Variants in STARD8 observed in about 807,000 individuals in gnomAD.
STARD8 encodes the protein stAR-related lipid transfer protein 8.
Under a neutral mutation model 69.4 loss-of-function variants are expected in STARD8, and 25 were observed. That is an observed-to-expected ratio of 0.36 (90% CI 0.26 to 0.50). The LOEUF (loss-of-function observed/expected upper bound fraction) is 0.50. Ranked by LOEUF, STARD8 falls within the 20% of genes least tolerant of loss-of-function variation. The pLI, the probability that STARD8 is intolerant of heterozygous loss-of-function variation, is 0.96. For missense variants in STARD8, 921 were observed against 932.5 expected (o/e 0.99, Z 0.16); for synonymous variants, 389 against 374.6 (o/e 1.04, Z -0.45).
At chrX:68,675,678 A>G (rs2079760814) in intron 2 of STARD8, among the ~76,000 whole-genome samples, 1 of 110,904 alleles carries the variant, frequency 9.0e-6, no homozygotes. Context: ...GAGAGGGCAG[A>G]TGTTGAATCC....
At chrX:68,651,345 G>A (rs1450032566) in intron 1 of STARD8, among the ~76,000 whole-genome samples, 2 of 110,946 alleles carry the variant, frequency 1.8e-5, no homozygotes, top group Non-Finnish European at 3.8e-5. Context: ...GGATCTCAGG[G>A]CTAAGAGGCA....
intron 2 of STARD8, among the ~76,000 whole-genome samples, chrX:68,686,966 C>T (rs2079837771): frequency 9.0e-6 from 1 of 111,591 alleles, no homozygotes; most frequent in Non-Finnish European, 1.9e-5. Context: ...GCACCTTCTT[C>T]GTCTCTGCCT....
intron 1 of STARD8, among the ~76,000 whole-genome samples, chrX:68,652,933 AC>A (rs2079563841): frequency 4.9e-5 from 2 of 41,037 alleles, no homozygotes; most frequent in African/African-American, 9.7e-5. Context: ...CATCACACAC[AC>A]CACACACACA....
At chrX:68,690,431 C>CG (rs756097076) in intron 2 of STARD8, among the ~76,000 whole-genome samples, 1,926 of 99,286 alleles carry the variant, frequency 0.019, 93 homozygotes, top group African/African-American at 0.081. Flanking sequence ...CCCAGGCAGG[C>CG]AGGGCGGGGG....
intron 2 of STARD8, among the ~76,000 whole-genome samples, chrX:68,685,597 A>G (rs1203406661): frequency 8.9e-6 from 1 of 112,545 alleles, no homozygotes; most frequent in African/African-American, 3.2e-5. Flanking sequence ...AATCTTTCTT[A>G]ATGAAGTCTA....
Position 68,717,465 on chromosome X carries a change from G to A in STARD8, c.551G>A (p.Arg184Gln), listed in dbSNP as rs1457248199. ...LPGRAPSSSD[R>Q]PLLSPTQGQE... ...GGCCGTGCCCCCAGCTCGAGTGACC[G>A]GCCCCTCCTCAGCCCCACCCAGGGC... The change falls in exon 6 of 15, where the codon CGG becomes CAG. Residue 184 changes from arginine to glutamine, a missense_variant. Physicochemically the swap from Arg to Gln is conservative, Grantham distance 43 (BLOSUM62 1). Transcript: ENST00000374599. 7 of 1,210,182 alleles carry A rather than the reference G, an allele frequency of 5.8e-6. No individual in the cohort carries two copies. Among genetic ancestry groups the A allele is most frequent in the East Asian group, 3.0e-5 (1 of 33,800 alleles).
In STARD8 at chrX:68,658,041, G is replaced by A. The variant is rs191385410; in HGVS notation, c.46-7458G>A. 5.2e-3 allele frequency among the ~76,000 whole-genome samples: 578 copies of A among 110,903 alleles called. 1 individual carries two copies. The highest frequency in any genetic ancestry group is 7.8e-3 in the Non-Finnish European group (412 of 52,981). On this transcript the variant is annotated intron_variant, in intron 1 of 14. Transcript: ENST00000374599. ...GGGGAGGCAAAAATGAGTTGGAAGA[G>A]GCTGCAGATTGGCAATACCAGACTT... is the stretch of plus-strand genomic sequence containing the variant.
chrX:68,717,969 C>G lies in STARD8; in HGVS notation c.1055C>G (p.Ala352Gly), dbSNP rs1457724158. The change falls in exon 6 of 15, where the codon GCC (alanine) becomes GGC (glycine). Residue 352 changes from alanine to glycine, a missense_variant. Ala to Gly is a moderately conservative substitution (Grantham distance 60, BLOSUM62 0). Transcript: ENST00000374599. ...RGSCGSTGSH[A>G]STYDNLPELY... ...TCCTGTGGCTCAACGGGCAGCCATGCCAGCACGTATGACAACTTGCCTGAG... is the reference window on the plus strand; with the variant it reads ...TCCTGTGGCTCAACGGGCAGCCATGGCAGCACGTATGACAACTTGCCTGAG... 1 of 1,208,508 alleles carries G rather than the reference C, an allele frequency of 8.3e-7. No individual in the cohort carries two copies. The highest frequency in any genetic ancestry group is 1.7e-5 in the African/African-American group (1 of 57,268).
chrX:68,715,679 C>A (rs1208627962), intron 4 of STARD8, among the ~76,000 whole-genome samples: 1 of 111,884 alleles, frequency 8.9e-6, no homozygotes, highest in Non-Finnish European at 1.9e-5. Flanking sequence ...GAGGCCAAAC[C>A]ATGGCTTCTC....
At chrX:68,664,433 A>T (rs920870782) in intron 1 of STARD8, among the ~76,000 whole-genome samples, 1 of 111,775 alleles carries the variant, frequency 8.9e-6, no homozygotes, top group East Asian at 2.8e-4. Flanking sequence ...CTCTATATCC[A>T]CCAATGGCTG....
chrX:68,675,634 G>C (rs759221956), intron 2 of STARD8, among the ~76,000 whole-genome samples: 4 of 111,087 alleles, frequency 3.6e-5, no homozygotes, highest in Non-Finnish European at 3.8e-5. Flanking sequence ...CAGGAGCTGA[G>C]ACCTCAGGAA....
intron 11 of STARD8, 63 bp downstream of exon 11, chrX:68,722,224 C>T (rs1441607039): frequency 2.9e-6 from 3 of 1,029,097 alleles, no homozygotes; most frequent in Non-Finnish European, 4.0e-6. Context: ...GGCCTGACCT[C>T]GGTGCCCCAA....
chrX:68,696,895 A>G lies in STARD8; in HGVS notation c.80-16019A>G, dbSNP rs192778687. The stretch of plus-strand genomic sequence containing the variant: ...CCACTAATTATTTATGTATTAAATA[A>G]TAATACCTTGGTGAGGACTTCAAAA... On this transcript the variant is annotated intron_variant, in intron 2 of 14. Transcript: ENST00000374599. Among the ~76,000 whole-genome samples, 250 of 111,743 alleles carry G rather than the reference A, an allele frequency of 2.2e-3. 1 individual carries two copies. The highest frequency in any genetic ancestry group is 2.5e-3 in the Non-Finnish European group (132 of 53,184).
At chrX:68,693,690 T>TTC in intron 2 of STARD8, 1 of 755,002 alleles carries the variant, frequency 1.3e-6, no homozygotes, top group Non-Finnish European at 1.6e-6. Flanking sequence ...GCAGCTGCTC[T>TTC]TCTGGCTGGC....
At chrX:68,713,733 T>C (rs1441864564) in intron 3 of STARD8, among the ~76,000 whole-genome samples, 1 of 111,981 alleles carries the variant, frequency 8.9e-6, no homozygotes, top group Non-Finnish European at 1.9e-5. Flanking sequence ...CTCTTCTCTC[T>C]CAACATTTCT....
At chrX:68,698,943 C>T (rs1365860725) in intron 2 of STARD8, among the ~76,000 whole-genome samples, 1 of 111,812 alleles carries the variant, frequency 8.9e-6, no homozygotes, top group Non-Finnish European at 1.9e-5. Context: ...TCAATCAGGC[C>T]CAGACACTGA....
chrX:68,714,017 T>G, intron 3 of STARD8, among the ~76,000 whole-genome samples: 1 of 112,110 alleles, frequency 8.9e-6, no homozygotes, highest in Non-Finnish European at 1.9e-5. Context: ...GCAAGACCTT[T>G]TTCCCTCCAG....
rs1443464996 is a variant in STARD8 at position 68,719,214 on chromosome X, C to T, written c.1716-11C>T. Reference sequence around the variant, plus strand: ...CTGGGCTTCTCCACCCCTCTCACCGCCCCCCACCAGGAAGCTCCGTTGGCA... The same window carrying T: ...CTGGGCTTCTCCACCCCTCTCACCGTCCCCCACCAGGAAGCTCCGTTGGCA... On this transcript the variant is annotated splice_polypyrimidine_tract_variant and intron_variant, in intron 6 of 14. Coordinates refer to ENST00000374599, the MANE Select transcript of STARD8 (RefSeq NM_001142503.3). The T allele has an allele frequency of 2.6e-6, 3 of 1,171,185 alleles. No individual in the cohort carries two copies. Among genetic ancestry groups the T allele is most frequent in the Non-Finnish European group, 3.4e-6 (3 of 873,569 alleles).
intron 2 of STARD8, among the ~76,000 whole-genome samples, chrX:68,677,530 C>G (rs1388428127): frequency 9.0e-6 from 1 of 111,539 alleles, no homozygotes; most frequent in East Asian, 2.8e-4. Context: ...GGGTATGGAA[C>G]TGAATCCCCA....
Sources: allele counts gnomAD v4.1 joint callset (sites outside exome capture counted in the v4.1 genomes callset), GRCh38; gene constraint gnomAD v4.1.1; transcripts MANE v1.5; gene names NCBI Gene and HGNC (gene_info 2026-07-23, HGNC 2026-07-21).